Variants in CITED2 observed in about 807,000 individuals in gnomAD.
CITED2 encodes cbp/p300-interacting transactivator 2.
In CITED2, 2 loss-of-function variants were observed where a neutral mutation model predicts 11.8. The ratio of observed to expected loss-of-function variants is 0.17; its 90% CI spans 0.07 to 0.54. CITED2 has a LOEUF of 0.54. CITED2 is among the 20% of genes least tolerant of loss of function. The pLI, the probability that CITED2 is intolerant of heterozygous loss-of-function variation, is 0.94. For missense variants in CITED2, 437 were observed against 390.2 expected (o/e 1.12, Z -1.01); for synonymous variants, 210 against 153.0 (o/e 1.37, Z -2.75).
In CITED2 at chr6:139,373,324, G is replaced by C; in HGVS notation, c.621C>G (p.His207Gln). The C allele has an allele frequency of 6.2e-7, 1 of 1,611,604 alleles. No homozygotes were observed. The highest frequency in any genetic ancestry group is 1.1e-5 in the South Asian group (1 of 90,894). The change falls in exon 2 of 2, where the codon CAC (histidine) becomes CAG (glutamine). Residue 207 changes from histidine to glutamine, a missense_variant. Around this residue, in one of 3 missense-constraint regions of CITED2, gnomAD observed 396 missense variants for 325.2 expected, o/e 1.22. Transcript: ENST00000367651. ...GSGNMPASVAHVPAAMLPPNV... is the reference protein window; with the variant it reads ...GSGNMPASVAQVPAAMLPPNV... ...TGGGCGGCAGCATTGCAGCGGGGAC[G>C]TGGGCCACGGAGGCGGGCATGTTGC...
At chr6:139,374,133 A>T (rs1382054872) in intron 1 of CITED2, 181 bp from the exon 2 acceptor site, 2 of 1,478,718 alleles carry the variant, frequency 1.4e-6, no homozygotes, top group Non-Finnish European at 1.8e-6. Flanking sequence ...AAGAGCTACC[A>T]CTCATAACAC....
At chr6:139,373,989 A>C in intron 1 of CITED2, 37 bp from the exon 2 acceptor site, 2 of 1,570,402 alleles carry the variant, frequency 1.3e-6, no homozygotes, top group Non-Finnish European at 1.7e-6. Flanking sequence ...GACCCGCGCC[A>C]CACGTGTCGC....
At chr6:139,374,052 C>T (rs1583068179) in intron 1 of CITED2, 100 bp from the exon 2 acceptor site, 4 of 1,527,024 alleles carry the variant, frequency 2.6e-6, no homozygotes, top group African/African-American at 2.7e-5. Flanking sequence ...GATTCCCGGG[C>T]GCACGTCGGC....
rs1413565664 is a variant in CITED2 at position 139,373,293 on chromosome 6, T to C, written c.652A>G (p.Ile218Val). The change falls in exon 2 of 2, where the codon ATA becomes GTA. Residue 218 changes from isoleucine to valine, a missense_variant. Transcript: ENST00000367651. ...TCCTCGTCGATGAAATCAGTGTCTA[T>C]GACATTGGGCGGCAGCATTGCAGCG... ...VPAAMLPPNVIDTDFIDEEVL... is the reference protein window; with the variant it reads ...VPAAMLPPNVVDTDFIDEEVL... The C allele has an allele frequency of 1.9e-6, 3 of 1,613,892 alleles. No individual in the cohort carries two copies. The highest frequency in any genetic ancestry group is 1.7e-6 in the Non-Finnish European group (2 of 1,180,032).
Position 139,373,031 on chromosome 6 carries a change from C to G in CITED2, c.*101G>C, listed in dbSNP as rs1778283095. On this transcript the variant is annotated 3_prime_UTR_variant, in exon 2 of 2. Transcript: ENST00000367651. ...TTTGTTTCCAAGTTCTCAAACCTTT[C>G]AAGATCTGAAAAGTGAGATACTGTG... 8.4e-7 allele frequency: 1 copy of G among 1,197,516 alleles called. No homozygotes were observed. The highest frequency in any genetic ancestry group is 1.2e-6 in the Non-Finnish European group (1 of 802,466). The allele number at this position is 1,197,516 out of a possible 1,614,324, so 74.2% of individuals were successfully genotyped here.
In CITED2 at chr6:139,373,785, C is replaced by G; in HGVS notation, c.160G>C (p.Glu54Gln). Reference sequence around the variant, plus strand: ...TTGCCCGCGCCGTAGTGTATGTGCTCGCCCATTAGGGCGTTGAAGGCGTGC... The same window carrying G: ...TTGCCCGCGCCGTAGTGTATGTGCTGGCCCATTAGGGCGTTGAAGGCGTGC... ...PQHAFNALMG[E>Q]HIHYGAGNMN... The change falls in exon 2 of 2, where the codon GAG becomes CAG. Residue 54 changes from glutamate (E) to glutamine (Q), a missense_variant. Glu to Gln is a conservative substitution (Grantham distance 29). Coordinates refer to ENST00000367651, the MANE Select transcript of CITED2 (RefSeq NM_006079.5). 1 of 1,610,492 alleles carries G rather than the reference C, an allele frequency of 6.2e-7. No individual in the cohort carries two copies. Among genetic ancestry groups the G allele is most frequent in the Non-Finnish European group, 8.5e-7 (1 of 1,179,968 alleles).
intron 1 of CITED2, 191 bp downstream of exon 1, chr6:139,374,222 A>C: frequency 7.0e-7 from 1 of 1,430,214 alleles, no homozygotes; most frequent in Non-Finnish European, 9.1e-7. Flanking sequence ...TGCTCCCCGA[A>C]GTGGCCTAAT....
chr6:139,374,486 T>G lies in CITED2; in HGVS notation c.-82A>C. The G allele has an allele frequency of 3.6e-6, 1 of 274,150 alleles. No homozygotes were observed. The highest frequency in any genetic ancestry group is 6.9e-6 in the Non-Finnish European group (1 of 144,596). The allele number at this position is 274,150 out of a possible 1,614,324, so 17.0% of individuals were successfully genotyped here. A position where few individuals can be genotyped will look rare whatever the true frequency, so the allele number is the denominator to read the frequency against. On this transcript the variant is annotated 5_prime_UTR_variant, in exon 1 of 2. An upstream start codon of the reference 5' UTR is lost. Coordinates refer to ENST00000367651, the MANE Select transcript of CITED2 (RefSeq NM_006079.5). Reference sequence around the variant, plus strand: ...CGTCCAGGACCGGCTCAGCAGCACATAGAGGGGACCTTCCTGGCGTGCAAA... The same window carrying G: ...CGTCCAGGACCGGCTCAGCAGCACAGAGAGGGGACCTTCCTGGCGTGCAAA...
In CITED2 at chr6:139,373,041, A is replaced by G. The variant is rs1778283367; in HGVS notation, c.*91T>C. 1 of 1,218,426 alleles carries G rather than the reference A, an allele frequency of 8.2e-7. No individual in the cohort carries two copies. Among genetic ancestry groups the G allele is most frequent in the Admixed American group, 1.7e-5 (1 of 59,460 alleles). 75.5% of individuals were successfully genotyped at this position (1,218,426 alleles called of 1,614,324 possible). A position where few individuals can be genotyped will look rare whatever the true frequency, so the allele number is the denominator to read the frequency against. On this transcript the variant is annotated 3_prime_UTR_variant, in exon 2 of 2. Transcript: ENST00000367651. ...AGTTCTCAAACCTTTCAAGATCTGA[A>G]AAGTGAGATACTGTGTCTAAGGGAA... is the stretch of plus-strand genomic sequence containing the variant.
rs1778300851 is a variant in CITED2, at chr6:139,373,483, T to C, written c.462A>G (p.Arg154=). Reference sequence around the variant, plus strand: ...CGCCGCTGTGCTTGGGGTTGCAATCTCGGAAGTGCTGGTTTGTCCCGTTCA... The same window carrying C: ...CGCCGCTGTGCTTGGGGTTGCAATCCCGGAAGTGCTGGTTTGTCCCGTTCA... ...HQMNGTNQHF[R]DCNPKHSGGS... Residue 154 remains arginine (R), a synonymous_variant, in exon 2 of 2, where the codon CGA becomes CGG. Transcript: ENST00000367651. The C allele has an allele frequency of 6.2e-7, 1 of 1,605,328 alleles. No individual in the cohort carries two copies. Among genetic ancestry groups the C allele is most frequent in the Admixed American group, 1.7e-5 (1 of 59,336 alleles).
At position 139,373,804 on chromosome 6, in the gene CITED2, G is replaced by A. The variant is rs1353596453; in HGVS notation, c.141C>T (p.Ala47=). The part of the protein sequence containing the change: ...HHHQQQQPQH[A]FNALMGEHIH... The stretch of plus-strand genomic sequence containing the variant: ...TGTGCTCGCCCATTAGGGCGTTGAA[G>A]GCGTGCTGGGGCTGCTGCTGCTGGT... The change falls in exon 2 of 2, where the codon GCC becomes GCT. Residue 47 remains alanine, a synonymous_variant. Transcript: ENST00000367651. 6 of 1,609,470 alleles carry A rather than the reference G, an allele frequency of 3.7e-6. No homozygotes were observed. The highest frequency in any genetic ancestry group is 2.2e-5 in the East Asian group (1 of 44,868).
In CITED2 at chr6:139,373,927, C is replaced by A. The variant is rs200339137; in HGVS notation, c.18G>T (p.Met6Ile). The stretch of plus-strand genomic sequence containing the variant: ...CGGGGAAGCGCCCGTGGTTCATGGC[C>A]ATCATATGGTCTGCCATTTCCAGTC... MADHM[M>I]AMNHGRFPDG... Residue 6 changes from methionine to isoleucine, a missense_variant, in exon 2 of 2, where the codon ATG (methionine) becomes ATT (isoleucine). Physicochemically the swap from Met to Ile is conservative, Grantham distance 10. Transcript: ENST00000367651. The A allele has an allele frequency of 6.3e-7, 1 of 1,599,038 alleles. No homozygotes were observed. The highest frequency in any genetic ancestry group is 8.5e-7 in the Non-Finnish European group (1 of 1,179,848).
rs1292459126 is a variant in CITED2 at position 139,372,713 on chromosome 6, A to C, written c.*419T>G. ...CTGCCCTTCGAAGTTCATGCAACCA[A>C]CTAATGCAATTTTTCCTTTCACTCG... On this transcript the variant is annotated 3_prime_UTR_variant, in exon 2 of 2. Transcript: ENST00000367651. 1 of 234,604 alleles carries C rather than the reference A, an allele frequency of 4.3e-6. No homozygotes were observed. Among genetic ancestry groups the C allele is most frequent in the African/African-American group, 2.2e-5 (1 of 44,562 alleles). The allele number at this position is 234,604 out of a possible 1,614,324, so 14.5% of individuals were successfully genotyped here.
chr6:139,371,999 A>AG lies in CITED2; in HGVS notation c.*1132dup, dbSNP rs764154326. The stretch of plus-strand genomic sequence containing the variant: ...AGTACACTTGATATGATGGCAATTA[A>AG]GAAAAAAAAAAAAGCAGTGACAACT... On this transcript the variant is annotated 3_prime_UTR_variant, in exon 2 of 2. Coordinates refer to ENST00000367651, the MANE Select transcript of CITED2 (RefSeq NM_006079.5). 85 of 151,982 alleles carry AG rather than the reference A, an allele frequency of 5.6e-4. No individual in the cohort carries two copies. The highest frequency in any genetic ancestry group is 1.1e-3 in the Non-Finnish European group (74 of 67,982). 9.4% of individuals were successfully genotyped at this position (151,982 alleles called of 1,614,324 possible).
rs1005432333 is a variant in CITED2, at chr6:139,372,581, T to TG, written c.*550dup. On this transcript the variant is annotated 3_prime_UTR_variant, in exon 2 of 2. Coordinates refer to ENST00000367651, the MANE Select transcript of CITED2 (RefSeq NM_006079.5). ...ATGACTTTCCTGATCCAGAACAGTT[T>TG]GGCCCACATCTGTTTAATCTTCCAG... 2.9e-5 allele frequency: 5 copies of TG among 171,376 alleles called. No homozygotes were observed. The highest frequency in any genetic ancestry group is 1.2e-4 in the African/African-American group (5 of 41,844). The allele number at this position is 171,376 out of a possible 1,614,324, so 10.6% of individuals were successfully genotyped here. A position where few individuals can be genotyped will look rare whatever the true frequency, so the allele number is the denominator to read the frequency against.
rs1465982399 is a variant in CITED2 at position 139,373,810 on chromosome 6, C to T, written c.135G>A (p.Gln45=). The T allele has an allele frequency of 1.2e-6, 2 of 1,609,026 alleles. No homozygotes were observed. Among genetic ancestry groups the T allele is most frequent in the Non-Finnish European group, 8.5e-7 (1 of 1,179,964 alleles). Residue 45 remains glutamine (Q), a synonymous_variant, in exon 2 of 2, where the codon CAG becomes CAA. Transcript: ENST00000367651. ...SPHHHQQQQP[Q]HAFNALMGEH... ...CGCCCATTAGGGCGTTGAAGGCGTG[C>T]TGGGGCTGCTGCTGCTGGTGGTGAT... is the stretch of plus-strand genomic sequence containing the variant.
chr6:139,373,882 G>A lies in CITED2; in HGVS notation c.63C>T (p.His21=), dbSNP rs771598219. The change falls in exon 2 of 2, where the codon CAC becomes CAT. Residue 21 remains histidine (H), a synonymous_variant. Coordinates refer to ENST00000367651, the MANE Select transcript of CITED2 (RefSeq NM_006079.5). The stretch of plus-strand genomic sequence containing the variant: ...TGCCCATGCGGTGGGCAGGGTGATG[G>A]TGCAGCCCATTGGTGCCGTCGGGGA... ...GRFPDGTNGL[H]HHPAHRMGMG... The A allele has an allele frequency of 1.1e-5, 18 of 1,601,758 alleles. No homozygotes were observed. Among genetic ancestry groups the A allele is most frequent in the Admixed American group, 1.7e-5 (1 of 60,004 alleles).
At chr6:139,374,079 CAAG>C in intron 1 of CITED2, 127 bp from the exon 2 acceptor site, 1 of 1,523,104 alleles carries the variant, frequency 6.6e-7, no homozygotes, top group Non-Finnish European at 8.8e-7. Context: ...CCACCACCCC[CAAG>C]ATCCCACTAA....
rs754082236 is a variant in CITED2, at chr6:139,373,388, C to T, written c.557G>A (p.Gly186Asp). Residue 186 changes from glycine (G) to aspartate (D), a missense_variant, in exon 2 of 2, where the codon GGC becomes GAC. Gly to Asp is a moderately conservative substitution (Grantham distance 94). Around this residue, in one of 3 missense-constraint regions of CITED2, gnomAD observed 396 missense variants for 325.2 expected, o/e 1.22. Transcript: ENST00000367651. ...PGGSGSSSGGGAGSSNSGGGS... is the reference protein window; with the variant it reads ...PGGSGSSSGGDAGSSNSGGGS... ...GCCGCCGCTGTTGCTGCTGCCCGCG[C>T]CGCCGCCCGAGCTGCTGCCAGAGCC... 2 of 1,570,702 alleles carry T rather than the reference C, an allele frequency of 1.3e-6. No homozygotes were observed. The highest frequency in any genetic ancestry group is 1.7e-6 in the Non-Finnish European group (2 of 1,160,586).
Sources: allele counts gnomAD v4.1 joint callset, GRCh38; gene constraint gnomAD v4.1.1; regional missense constraint gnomAD v4.1.1; transcripts MANE v1.5; gene names NCBI Gene and HGNC (gene_info 2026-07-23, HGNC 2026-07-21).